The following SNTG2 variants were observed in gnomAD, a reference collection of about 807,000 sequenced individuals.
The protein encoded by SNTG2 is gamma-2-syntrophin.
Under a neutral mutation model 70.9 loss-of-function variants are expected in SNTG2, and 74 were observed. The observed-to-expected ratio is 1.04, with a 90% CI of 0.86 to 1.27. The LOEUF (loss-of-function observed/expected upper bound fraction) is 1.27. SNTG2 is among the 50% of genes most tolerant of loss of function. The probability of loss-of-function intolerance (pLI) is 0.00; values close to 1 mark genes in which losing one functional copy is unlikely to be tolerated. For missense variants in SNTG2, 717 were observed against 690.7 expected, an observed-to-expected ratio of 1.04 and a Z score of -0.43; for synonymous variants, 278 against 273.8, an observed-to-expected ratio of 1.02 and a Z score of -0.15.
chr2:1,123,504 C>T (rs990619080), intron 4 of SNTG2, among the ~76,000 whole-genome samples: 3 of 152,208 alleles, frequency 2.0e-5, no homozygotes, highest in African/African-American at 7.2e-5. Flanking sequence ...TGGACTTCCA[C>T]ATGTGAAAGA....
intron 4 of SNTG2, among the ~76,000 whole-genome samples, chr2:1,134,802 C>T (rs983161848): frequency 5.3e-5 from 8 of 152,242 alleles, no homozygotes; most frequent in East Asian, 1.9e-4. Flanking sequence ...AGGCTCCAGC[C>T]GCACAGGAGC....
chr2:1,192,341 T>C (rs978664680), intron 8 of SNTG2, among the ~76,000 whole-genome samples: 1 of 152,190 alleles, frequency 6.6e-6, no homozygotes, highest in Non-Finnish European at 1.5e-5. Flanking sequence ...CCCTTGTGTC[T>C]TCACCATAGA....
intron 16 of SNTG2, among the ~76,000 whole-genome samples, chr2:1,364,942 C>T (rs1249595321): frequency 3.9e-5 from 6 of 152,036 alleles, no homozygotes. Context: ...AACCCTGAAG[C>T]ATGAATGATA....
intron 7 of SNTG2, among the ~76,000 whole-genome samples, chr2:1,166,459 G>A (rs1670713029): frequency 6.6e-6 from 1 of 152,186 alleles, no homozygotes; most frequent in Non-Finnish European, 1.5e-5. Context: ...CATATTGACT[G>A]TTTTACTTTC....
rs530220471 is a variant in SNTG2 at position 1,017,877 on chromosome 2, C to G, written c.73-65641C>G. 1.1e-4 allele frequency among the ~76,000 whole-genome samples: 17 copies of G among 152,208 alleles called. No individual in the cohort carries two copies. In the East Asian group the frequency reaches 1.7e-3, roughly 16 times the overall value. On this transcript the variant is annotated intron_variant, in intron 1 of 16. Coordinates refer to ENST00000308624, the MANE Select transcript of SNTG2 (RefSeq NM_018968.4). Reference sequence around the variant, plus strand: ...GCACACAGTGGGTGTTCTACAAATGCGGATGGTGTGAGGAGGTGACCTGTG... The same window carrying G: ...GCACACAGTGGGTGTTCTACAAATGGGGATGGTGTGAGGAGGTGACCTGTG...
At chr2:982,923 A>G (rs1661157791) in intron 1 of SNTG2, among the ~76,000 whole-genome samples, 1 of 152,226 alleles carries the variant, frequency 6.6e-6, no homozygotes, top group Admixed American at 6.5e-5. Flanking sequence ...AATGGTCAGG[A>G]TGAAGCAGAG....
At chr2:1,321,993 T>A (rs1308977252) in intron 16 of SNTG2, among the ~76,000 whole-genome samples, 1 of 151,908 alleles carries the variant, frequency 6.6e-6, no homozygotes, top group East Asian at 1.9e-4. Context: ...TTTTTAAAAT[T>A]AATAACCTTT....
In SNTG2 at chr2:1,221,465, G is replaced by GCC. The variant is rs1428293623; in HGVS notation, c.719+12235_719+12236insCC. Among the ~76,000 whole-genome samples the GCC allele has an allele frequency of 3.9e-3, 81 of 20,804 alleles. 6 individuals carry two copies. Among genetic ancestry groups the GCC allele is most frequent in the East Asian group, 0.015 (3 of 200 alleles). 13.6% of individuals were successfully genotyped at this position (20,804 alleles called of 152,430 possible). A position where few individuals can be genotyped will look rare whatever the true frequency, so the allele number is the denominator to read the frequency against. On this transcript the variant is annotated intron_variant, in intron 9 of 16. Transcript: ENST00000308624. ...TCTGTCTCTGTCTCTCTCTGTCTCT[G>GCC]TCTCTCTGTCTCTCTCTCTCTCTGT...
At chr2:1,030,818 A>G (rs1216173329) in intron 1 of SNTG2, among the ~76,000 whole-genome samples, 2 of 152,214 alleles carry the variant, frequency 1.3e-5, no homozygotes, top group Non-Finnish European at 2.9e-5. Context: ...CCTGTTGACA[A>G]AGGAAGAAAT....
At chr2:977,022 A>G (rs925025069) in intron 1 of SNTG2, among the ~76,000 whole-genome samples, 1 of 152,146 alleles carries the variant, frequency 6.6e-6, no homozygotes, top group African/African-American at 2.4e-5. Context: ...CACCTGGCAG[A>G]CACCATCGTA....
In SNTG2 at chr2:1,247,432, A is replaced by G. The variant is rs1677499145; in HGVS notation, c.994A>G (p.Ser332Gly). Residue 332 changes from serine to glycine, a missense_variant, in exon 12 of 17, where the codon AGC (serine) becomes GGC (glycine). Physicochemically the swap from Ser to Gly is moderately conservative, Grantham distance 56. Transcript: ENST00000308624. ...GAAGGGCCCGTCCTTCTACGTTTTC[A>G]GCACTCCTCCGGTAAGGATGCTTTT... Reference protein sequence around the residue: ...ALKGPSFYVFSTPPVSTFDWV... With the variant: ...ALKGPSFYVFGTPPVSTFDWV... 6.2e-7 allele frequency: 1 copy of G among 1,612,108 alleles called. No homozygotes were observed.
intron 9 of SNTG2, among the ~76,000 whole-genome samples, chr2:1,216,458 C>T (rs1352539053): frequency 2.0e-5 from 3 of 152,030 alleles, no homozygotes; most frequent in African/African-American, 7.3e-5. Context: ...GATATTAGCC[C>T]TTTGTCAGAT....
intron 7 of SNTG2, among the ~76,000 whole-genome samples, chr2:1,166,832 G>C (rs747821460): frequency 2.0e-5 from 3 of 152,198 alleles, no homozygotes; most frequent in African/African-American, 7.2e-5. Flanking sequence ...CAGAGGAGCG[G>C]AAGAGTATGC....
intron 1 of SNTG2, among the ~76,000 whole-genome samples, chr2:1,018,678 A>G (rs1659990688): frequency 6.6e-6 from 1 of 152,214 alleles, no homozygotes; most frequent in African/African-American, 2.4e-5. Context: ...TCTGCAGGGA[A>G]ATATTCACAG....
chr2:1,116,293 A>T (rs1666960837), intron 4 of SNTG2, among the ~76,000 whole-genome samples: 1 of 152,224 alleles, frequency 6.6e-6, no homozygotes, highest in Non-Finnish European at 1.5e-5. Context: ...AGAACACTTT[A>T]TCAGCCTGAC....
Position 1,209,127 on chromosome 2 carries a change from A to G in SNTG2, c.616A>G (p.Ile206Val), listed in dbSNP as rs745625967. The G allele has an allele frequency of 1.2e-6, 2 of 1,613,934 alleles. No homozygotes were observed. The highest frequency in any genetic ancestry group is 1.1e-5 in the South Asian group (1 of 91,070). The change falls in exon 9 of 17, where the codon ATA (isoleucine) becomes GTA (valine). Residue 206 changes from isoleucine (I) to valine (V), a missense_variant. Coordinates refer to ENST00000308624, the MANE Select transcript of SNTG2 (RefSeq NM_018968.4). ...GGCCCCATCGTCACCTTCCTCGCCC[A>G]TAGCTAAGGACCCGAGGTATGAGAA... ...TTAPSSPSSP[I>V]AKDPRYEKRW...
intron 1 of SNTG2, among the ~76,000 whole-genome samples, chr2:1,031,528 A>ATATATATATATATATATATTTTTT: frequency 1.4e-3 from 84 of 59,060 alleles, no homozygotes; most frequent in Non-Finnish European, 2.2e-3. Context: ...ATATATATAT[A>ATATATATATATATATATATTTTTT]TTTTTTTTTT....
intron 8 of SNTG2, among the ~76,000 whole-genome samples, chr2:1,192,645 C>A (rs1672667416): frequency 6.6e-6 from 1 of 152,054 alleles, no homozygotes; most frequent in African/African-American, 2.4e-5. Flanking sequence ...GACGGGCTTC[C>A]TTCACGCAGG....
chr2:1,169,590 T>C (rs5024305), intron 7 of SNTG2, among the ~76,000 whole-genome samples: 48,231 of 151,936 alleles, frequency 0.32, 8,201 homozygotes, highest in East Asian at 0.65. Flanking sequence ...CCTGAGCCTG[T>C]GGGGCCGGAG....
Sources: allele counts gnomAD v4.1 joint callset (sites outside exome capture counted in the v4.1 genomes callset), GRCh38; gene constraint gnomAD v4.1.1; transcripts MANE v1.5; gene names NCBI Gene and HGNC (gene_info 2026-07-23, HGNC 2026-07-21).